The following ANKRD6 variants were observed in gnomAD, a reference collection of about 807,000 sequenced individuals.
ANKRD6 encodes the protein ankyrin repeat domain-containing protein 6.
Under a neutral mutation model 82.3 loss-of-function variants are expected in ANKRD6, and 56 were observed. That is an observed-to-expected ratio of 0.68 (90% confidence interval 0.55 to 0.85). The LOEUF is 0.85. ANKRD6 is among the 40% of genes least tolerant of loss of function. The pLI is 0.00. For synonymous variants in ANKRD6, 347 were observed against 352.1 expected (o/e 0.99, Z 0.16); for missense variants, 852 against 907.6 (o/e 0.94, Z 0.79).
At chr6:89,453,195 G>A (rs796449230) in intron 1 of ANKRD6, among the ~76,000 whole-genome samples, 9 of 152,264 alleles carry the variant, frequency 5.9e-5, no homozygotes, top group African/African-American at 2.2e-4. Context: ...AAAAATGATA[G>A]CTCATGCTGA....
intron 1 of ANKRD6, among the ~76,000 whole-genome samples, chr6:89,465,968 T>C (rs1408239283): frequency 6.6e-6 from 1 of 152,218 alleles, no homozygotes; most frequent in African/African-American, 2.4e-5. Context: ...AATTAATACA[T>C]ATTCATTGTA....
At chr6:89,517,807 G>C (rs149469180) in intron 1 of ANKRD6, among the ~76,000 whole-genome samples, 1,579 of 152,292 alleles carry the variant, frequency 0.01, 43 homozygotes, top group African/African-American at 0.036. Context: ...TTTTCCTAAG[G>C]GGGGGACTAT....
At chr6:89,609,876 A>T (rs539890799) in intron 5 of ANKRD6, among the ~76,000 whole-genome samples, 42 of 152,208 alleles carry the variant, frequency 2.8e-4, no homozygotes, top group Middle Eastern at 3.4e-3. Flanking sequence ...TCCCAAGGTG[A>T]TGGATTACAG....
chr6:89,630,450 G>A lies in ANKRD6; in HGVS notation c.1630G>A (p.Val544Met). Reference sequence around the variant, plus strand: ...GAAACCAGGTGTGGACCAATTAGTGGTGACTGCAGGTCCAGCAGCAGCTTC... The same window carrying A: ...GAAACCAGGTGTGGACCAATTAGTGATGACTGCAGGTCCAGCAGCAGCTTC... The part of the protein sequence containing the change: ...ESSTGVDQLV[V>M]TAGPAAASDS... The change falls in exon 16 of 16, where the codon GTG becomes ATG. Residue 544 changes from valine (V) to methionine (M), a missense_variant. Val to Met is a conservative substitution (Grantham distance 21). Coordinates refer to ENST00000339746, the MANE Select transcript of ANKRD6 (RefSeq NM_001242809.2). The A allele has an allele frequency of 6.2e-7, 1 of 1,612,544 alleles. No homozygotes were observed. Among genetic ancestry groups the A allele is most frequent in the Non-Finnish European group, 8.5e-7 (1 of 1,179,138 alleles).
intron 1 of ANKRD6, among the ~76,000 whole-genome samples, chr6:89,469,923 C>T (rs1775256165): frequency 6.6e-6 from 1 of 152,182 alleles, no homozygotes; most frequent in Non-Finnish European, 1.5e-5. Flanking sequence ...TCTCTCTTTA[C>T]CCCAGATTCT....
At chr6:89,489,171 G>A (rs927047865) in intron 1 of ANKRD6, among the ~76,000 whole-genome samples, 2 of 152,282 alleles carry the variant, frequency 1.3e-5, no homozygotes, top group South Asian at 4.1e-4. Flanking sequence ...GGAAATCAAG[G>A]CAGAGCTCTT....
At chr6:89,559,580 G>C (rs1271745959) in intron 1 of ANKRD6, among the ~76,000 whole-genome samples, 2 of 152,240 alleles carry the variant, frequency 1.3e-5, no homozygotes, top group Admixed American at 6.5e-5. Flanking sequence ...TGAGTACATA[G>C]AATTGGTTTT....
intron 2 of ANKRD6, among the ~76,000 whole-genome samples, chr6:89,582,480 C>T (rs940051987): frequency 1.3e-4 from 20 of 152,208 alleles, no homozygotes; most frequent in African/African-American, 4.8e-4. Flanking sequence ...CATGAGCCAC[C>T]ATGCCCAGCC....
At chr6:89,475,857 A>G (rs1775976314) in intron 1 of ANKRD6, among the ~76,000 whole-genome samples, 1 of 152,234 alleles carries the variant, frequency 6.6e-6, no homozygotes, top group Admixed American at 6.5e-5. Flanking sequence ...GAAACCAACC[A>G]TGAGTTGAAT....
chr6:89,590,563 TAAAC>T (rs1794679611), intron 2 of ANKRD6, among the ~76,000 whole-genome samples: 1 of 152,134 alleles, frequency 6.6e-6, no homozygotes, highest in African/African-American at 2.4e-5. Flanking sequence ...AGGTTATTTT[TAAAC>T]AAACCCCAGA....
At chr6:89,471,459 C>T (rs753099098) in intron 1 of ANKRD6, among the ~76,000 whole-genome samples, 1 of 151,188 alleles carries the variant, frequency 6.6e-6, no homozygotes, top group Non-Finnish European at 1.5e-5. Flanking sequence ...CTGGATGGGA[C>T]CCCTAGAGAG....
intron 1 of ANKRD6, among the ~76,000 whole-genome samples, chr6:89,480,001 T>C (rs1341352928): frequency 1.3e-5 from 2 of 152,198 alleles, no homozygotes; most frequent in Non-Finnish European, 2.9e-5. Flanking sequence ...AAGTTTGGTT[T>C]GTATCACGTG....
intron 1 of ANKRD6, among the ~76,000 whole-genome samples, chr6:89,550,548 G>A (rs1785690894): frequency 6.6e-6 from 1 of 152,152 alleles, no homozygotes; most frequent in Admixed American, 6.5e-5. Context: ...GGTGTGAGGG[G>A]CTGCTGGATA....
At chr6:89,446,887 T>C (rs1772154146) in intron 1 of ANKRD6, among the ~76,000 whole-genome samples, 1 of 152,214 alleles carries the variant, frequency 6.6e-6, no homozygotes, top group African/African-American at 2.4e-5. Context: ...CCCCTTTTGA[T>C]TGGCACTTCT....
rs552851495 is a variant in ANKRD6, at chr6:89,584,235, G to T, written c.121-11681G>T. Reference sequence around the variant, plus strand: ...AGGCCAGTAATCAGCATGTTGTGAGGCTTGCATGGGTGATTCTCCACATCC... The same window carrying T: ...AGGCCAGTAATCAGCATGTTGTGAGTCTTGCATGGGTGATTCTCCACATCC... On this transcript the variant is annotated intron_variant, in intron 2 of 15. Transcript: ENST00000339746. 5.3e-5 allele frequency among the ~76,000 whole-genome samples: 8 copies of T among 152,260 alleles called. No individual in the cohort carries two copies. The South Asian group carries it at 1.7e-3, about 32-fold the overall frequency.
chr6:89,487,680 A>C (rs1777525144), intron 1 of ANKRD6, among the ~76,000 whole-genome samples: 1 of 152,234 alleles, frequency 6.6e-6, no homozygotes, highest in Non-Finnish European at 1.5e-5. Context: ...ATCAAATGAA[A>C]AGAATAAGGT....
chr6:89,599,364 C>A (rs529137533), intron 3 of ANKRD6, among the ~76,000 whole-genome samples: 1 of 152,240 alleles, frequency 6.6e-6, no homozygotes, highest in African/African-American at 2.4e-5. Flanking sequence ...CAGAGTGAGA[C>A]CCTGTCTCAA....
chr6:89,587,853 C>T (rs1271021634), intron 2 of ANKRD6, among the ~76,000 whole-genome samples: 4 of 152,190 alleles, frequency 2.6e-5, no homozygotes, highest in Non-Finnish European at 4.4e-5. Flanking sequence ...ATATTTGCAA[C>T]AAGGAAAGAA....
Position 89,630,945 on chromosome 6 carries a change from A to G in ANKRD6, c.2125A>G (p.Ile709Val). 1 of 1,602,236 alleles carries G rather than the reference A, an allele frequency of 6.2e-7. No homozygotes were observed. Reference protein sequence around the residue: ...QQDKATLKEHIKSLEEELAKL... With the variant: ...QQDKATLKEHVKSLEEELAKL... ...AGATAAGGCTACATTGAAGGAACAC[A>G]TTAAAAGTTTAGAAGAGGAACTTGC... The change falls in exon 16 of 16, where the codon ATT becomes GTT. Residue 709 changes from isoleucine (I) to valine (V), a missense_variant. By Grantham distance (29) the Ile-to-Val change is conservative. Coordinates refer to ENST00000339746, the MANE Select transcript of ANKRD6 (RefSeq NM_001242809.2).
Sources: gnomAD v4.1 joint callset for allele counts (sites outside exome capture counted in the v4.1 genomes callset) on GRCh38, gnomAD v4.1.1 for gene constraint, MANE v1.5 for transcripts, NCBI Gene and HGNC (gene_info 2026-07-23, HGNC 2026-07-21) for gene names.